Variants in PKHD1 observed in about 807,000 individuals in gnomAD.
PKHD1 encodes the protein PKHD1 ciliary IPT domain containing fibrocystin/polyductin.
PKHD1 carries 291 observed loss-of-function variants against 412.0 expected under a neutral mutation model. The observed-to-expected ratio is 0.71, with a 90% CI of 0.64 to 0.78. The LOEUF is 0.78. Ranked by LOEUF, PKHD1 falls within the 30% of genes least tolerant of loss-of-function variation. PKHD1 has a pLI of 0.00. For synonymous variants in PKHD1, 1,777 were observed against 1,821.5 expected, an observed-to-expected ratio of 0.98 and a Z score of 0.62; for missense variants, 4,825 against 4,950.7, an observed-to-expected ratio of 0.97 and a Z score of 0.76.
chr6:51,868,306 T>A (rs779618104), intron 47 of PKHD1, among the ~76,000 whole-genome samples, 197 bp from the exon 48 acceptor site: 2 of 152,178 alleles, frequency 1.3e-5, no homozygotes, highest in African/African-American at 4.8e-5. Flanking sequence ...GTGCTAGAGA[T>A]ACTAAGAGGT....
At chr6:51,820,415 T>A (rs1201338588) in intron 52 of PKHD1, among the ~76,000 whole-genome samples, 1 of 152,182 alleles carries the variant, frequency 6.6e-6, no homozygotes, top group East Asian at 1.9e-4. Context: ...ACAAAATTTA[T>A]GGTAGCCCTT....
intron 43 of PKHD1, among the ~76,000 whole-genome samples, chr6:51,889,651 A>G (rs1778802956): frequency 6.6e-6 from 1 of 152,188 alleles, no homozygotes; most frequent in South Asian, 2.1e-4. Flanking sequence ...GGAAGGGATG[A>G]GGGACAGTAT....
At chr6:51,990,988 C>T (rs1297908236) in intron 35 of PKHD1, among the ~76,000 whole-genome samples, 1 of 152,160 alleles carries the variant, frequency 6.6e-6, no homozygotes, top group African/African-American at 2.4e-5. Context: ...TACTTAAATG[C>T]CATGTGTCTG....
intron 27 of PKHD1, among the ~76,000 whole-genome samples, chr6:52,035,945 G>C (rs1418700335): frequency 2.6e-5 from 4 of 152,184 alleles, no homozygotes; most frequent in Non-Finnish European, 4.4e-5. Context: ...ACTGCATCCT[G>C]AAGTCTTTTA....
At chr6:52,076,996 G>A (rs1811409979) in intron 5 of PKHD1, among the ~76,000 whole-genome samples, 1 of 152,182 alleles carries the variant, frequency 6.6e-6, no homozygotes, top group Admixed American at 6.5e-5. Context: ...GCCTGAGAAA[G>A]CCTGGCGGTA....
chr6:51,616,089 T>A lies in PKHD1; in HGVS notation c.*2992A>T, dbSNP rs1379108270. ...TTTGACAAATAAAAATTGTATATATTTATCATGTACAACTCGATAGTTTGA... is the reference window on the plus strand; with the variant it reads ...TTTGACAAATAAAAATTGTATATATATATCATGTACAACTCGATAGTTTGA... On this transcript the variant is annotated 3_prime_UTR_variant, in exon 67 of 67. Coordinates refer to ENST00000371117, the MANE Select transcript of PKHD1 (RefSeq NM_138694.4). 1 of 152,194 alleles carries A rather than the reference T, an allele frequency of 6.6e-6. No homozygotes were observed. The highest frequency in any genetic ancestry group is 1.5e-5 in the Non-Finnish European group (1 of 68,044). 9.4% of individuals were successfully genotyped at this position (152,194 alleles called of 1,614,324 possible). A position where few individuals can be genotyped will look rare whatever the true frequency, so the allele number is the denominator to read the frequency against.
At chr6:52,062,425 T>C in intron 14 of PKHD1, 94 bp downstream of exon 14, 1 of 1,306,944 alleles carries the variant, frequency 7.7e-7, no homozygotes, top group Non-Finnish European at 1.1e-6. Flanking sequence ...TATAAATTCC[T>C]GGAAATCTTG....
intron 45 of PKHD1, among the ~76,000 whole-genome samples, chr6:51,884,565 A>T (rs1777903511): frequency 6.6e-6 from 1 of 152,210 alleles, no homozygotes; most frequent in Non-Finnish European, 1.5e-5. Flanking sequence ...TCACTATAAA[A>T]GTGCAATTCC....
chr6:51,648,836 T>C (rs1375302383), intron 62 of PKHD1, among the ~76,000 whole-genome samples: 2 of 152,128 alleles, frequency 1.3e-5, no homozygotes, highest in African/African-American at 4.8e-5. Context: ...AAGAATTTGG[T>C]TGGGGAGGAA....
chr6:51,716,657 C>G (rs1781292909), intron 60 of PKHD1, among the ~76,000 whole-genome samples: 1 of 151,908 alleles, frequency 6.6e-6, no homozygotes, highest in Non-Finnish European at 1.5e-5. Context: ...TCCAGCCAGT[C>G]ATATTCCCTT....
intron 35 of PKHD1, among the ~76,000 whole-genome samples, chr6:51,989,787 T>G (rs1796651022): frequency 6.7e-6 from 1 of 148,490 alleles, no homozygotes; most frequent in Non-Finnish European, 1.5e-5. Flanking sequence ...TACAGCTATA[T>G]CTGCTGAACT....
At chr6:51,851,870 A>AT (rs1264176081) in intron 49 of PKHD1, among the ~76,000 whole-genome samples, 2 of 151,614 alleles carry the variant, frequency 1.3e-5, no homozygotes, top group African/African-American at 2.4e-5. Flanking sequence ...GGATTCGTTG[A>AT]TTTTTTTGGA....
Position 52,062,602 on chromosome 6 carries a change from T to A in PKHD1, c.1035A>T (p.Glu345Asp), listed in dbSNP as rs1808850686. 6.2e-7 allele frequency: 1 copy of A among 1,614,106 alleles called. No homozygotes were observed. Among genetic ancestry groups the A allele is most frequent in the Non-Finnish European group, 8.5e-7 (1 of 1,179,938 alleles). ...TCTGCCACCTGTACCCTGGGGTGGCTTCAGTCAGTTCCAGTCCCTCAACAG... is the reference window on the plus strand; with the variant it reads ...TCTGCCACCTGTACCCTGGGGTGGCATCAGTCAGTTCCAGTCCCTCAACAG... ...GDAVEGLELT[E>D]ATPGYRWQIV... Residue 345 changes from glutamate to aspartate, a missense_variant, in exon 14 of 67, where the codon GAA becomes GAT. Physicochemically the swap from Glu to Asp is conservative, Grantham distance 45. Coordinates refer to ENST00000371117, the MANE Select transcript of PKHD1 (RefSeq NM_138694.4).
chr6:52,075,794 A>G (rs910920988), intron 6 of PKHD1, among the ~76,000 whole-genome samples: 10 of 152,176 alleles, frequency 6.6e-5, no homozygotes, highest in African/African-American at 2.4e-4. Context: ...TTTAGTATCT[A>G]TATGACTTTC....
intron 48 of PKHD1, among the ~76,000 whole-genome samples, chr6:51,859,017 T>C (rs947132145): frequency 5.3e-5 from 8 of 152,216 alleles, no homozygotes; most frequent in Non-Finnish European, 7.3e-5. Flanking sequence ...ACAAGCAATG[T>C]GCACTAATAA....
chr6:51,997,704 T>C (rs780229886), intron 35 of PKHD1, among the ~76,000 whole-genome samples: 7 of 152,206 alleles, frequency 4.6e-5, no homozygotes, highest in Non-Finnish European at 4.4e-5. Flanking sequence ...TTCTCAGTAC[T>C]AGAAAATCCC....
At chr6:51,695,839 AT>A (rs1778736535) in intron 60 of PKHD1, among the ~76,000 whole-genome samples, 2 of 152,306 alleles carry the variant, frequency 1.3e-5, no homozygotes, top group South Asian at 4.1e-4. Flanking sequence ...GAAATTTTTA[AT>A]TCCCTCTCTT....
intron 18 of PKHD1, among the ~76,000 whole-genome samples, chr6:52,056,482 A>G (rs953482745): frequency 6.6e-6 from 1 of 152,012 alleles, no homozygotes; most frequent in African/African-American, 2.4e-5. Flanking sequence ...ACAGCCCAGG[A>G]GGAATGCCTT....
intron 48 of PKHD1, among the ~76,000 whole-genome samples, chr6:51,860,544 T>C (rs1213644713): frequency 2.0e-5 from 3 of 152,220 alleles, no homozygotes; most frequent in Non-Finnish European, 4.4e-5. Flanking sequence ...ATTTCTAATT[T>C]GGAGGAGCCA....
Sources: allele counts gnomAD v4.1 joint callset (sites outside exome capture counted in the v4.1 genomes callset), GRCh38; gene constraint gnomAD v4.1.1; transcripts MANE v1.5; gene names NCBI Gene and HGNC (gene_info 2026-07-23, HGNC 2026-07-21).